Variants in TLL1 observed in about 807,000 individuals in gnomAD.
TLL1 encodes tolloid-like protein 1.
Under a neutral mutation model 128.2 loss-of-function variants are expected in TLL1, and 49 were observed. The observed-to-expected ratio is 0.38, with a 90% CI of 0.30 to 0.48. The LOEUF (loss-of-function observed/expected upper bound fraction) is 0.48, where lower values mean the gene tolerates loss of function less well. TLL1 is among the 20% of genes least tolerant of loss of function. TLL1 has a pLI of 0.96. For synonymous variants in TLL1, 454 were observed against 418.8 expected (o/e 1.08, Z -1.03); for missense variants, 1,123 against 1,242.0 (o/e 0.90, Z 1.44).
At chr4:165,949,866 A>C (rs1378957070) in intron 1 of TLL1, among the ~76,000 whole-genome samples, 2 of 152,138 alleles carry the variant, frequency 1.3e-5, no homozygotes, top group Non-Finnish European at 2.9e-5. Flanking sequence ...TTATATCAAC[A>C]ACAAAACGTA....
rs774419350 is a variant in TLL1 at position 166,043,274 on chromosome 4, C to T, written c.1379C>T (p.Ala460Val). The T allele has an allele frequency of 6.2e-7, 1 of 1,613,930 alleles. No individual in the cohort carries two copies. Among genetic ancestry groups the T allele is most frequent in the South Asian group, 1.1e-5 (1 of 91,082 alleles). ...VGKGFAAVYE[A>V]ICGGEIRKNE... ...TTGTTTATTTTTTGGCTTTCTTCAG[C>T]GATCTGTGGAGGTGAGATACGTAAA... Residue 460 changes from alanine to valine, a missense_variant and splice_region_variant, in exon 12 of 21, where the codon GCG (alanine) becomes GTG (valine). Around this residue, in one of 3 missense-constraint regions of TLL1, gnomAD observed 634 missense variants for 672.4 expected, o/e 0.94. Transcript: ENST00000061240.
chr4:165,933,703 T>G (rs1733635568), intron 1 of TLL1, among the ~76,000 whole-genome samples: 1 of 152,116 alleles, frequency 6.6e-6, no homozygotes, highest in South Asian at 2.1e-4. Context: ...ATAGCAGCCC[T>G]GTCTTTTTAT....
At chr4:165,896,249 A>C (rs1382277387) in intron 1 of TLL1, among the ~76,000 whole-genome samples, 3 of 152,248 alleles carry the variant, frequency 2.0e-5, no homozygotes, top group East Asian at 3.9e-4. Flanking sequence ...ATGTCCCTGC[A>C]AAGCACATGA....
chr4:166,043,147 G>A (rs948305020), intron 11 of TLL1, 127 bp from the exon 12 acceptor site: 25 of 1,297,266 alleles, frequency 1.9e-5, no homozygotes, highest in Non-Finnish European at 2.8e-5. Context: ...AGTCAACTTT[G>A]ATTTTTATAG....
At chr4:165,952,235 A>G (rs1561050502) in intron 1 of TLL1, among the ~76,000 whole-genome samples, 1 of 152,184 alleles carries the variant, frequency 6.6e-6, no homozygotes, top group East Asian at 1.9e-4. Context: ...GGATCATACT[A>G]AATTTCTGCA....
chr4:165,993,008 A>G (rs747006247), intron 3 of TLL1, 124 bp downstream of exon 3: 53 of 829,006 alleles, frequency 6.4e-5, no homozygotes, highest in Non-Finnish European at 1.0e-4. Context: ...GATATATTCT[A>G]AAACTTTTTA....
At chr4:165,994,347 TC>T in intron 3 of TLL1, 33 bp from the exon 4 acceptor site, 1 of 1,613,756 alleles carries the variant, frequency 6.2e-7, no homozygotes, top group Non-Finnish European at 8.5e-7. Context: ...ACCAAGAACT[TC>T]TGTTTCACAG....
chr4:166,071,871 C>G (rs1740815407), intron 16 of TLL1, among the ~76,000 whole-genome samples: 1 of 151,924 alleles, frequency 6.6e-6, no homozygotes, highest in African/African-American at 2.4e-5. Flanking sequence ...AGTCTATTAA[C>G]TCCCGTTCAA....
chr4:166,004,929 G>A (rs1378525114), intron 6 of TLL1, among the ~76,000 whole-genome samples: 3 of 150,742 alleles, frequency 2.0e-5, no homozygotes, highest in South Asian at 4.2e-4. Flanking sequence ...GACTTATAGC[G>A]ATCGTTAACT....
In TLL1 at chr4:165,894,777, G is replaced by A. The variant is rs150064690; in HGVS notation, c.169+20704G>A. ...TGGGTGACTATTATCAGGTTGAGGA[G>A]GTTCCTTTCTGTTACTACCTTTCTG... is the stretch of plus-strand genomic sequence containing the variant. On this transcript the variant is annotated intron_variant, in intron 1 of 20. Coordinates refer to ENST00000061240, the MANE Select transcript of TLL1 (RefSeq NM_012464.5). 9.2e-5 allele frequency among the ~76,000 whole-genome samples: 14 copies of A among 151,756 alleles called. No individual in the cohort carries two copies. The East Asian group carries it at 2.7e-3, about 29-fold the overall frequency.
intron 9 of TLL1, among the ~76,000 whole-genome samples, chr4:166,037,836 C>T (rs75256114): frequency 0.015 from 2,289 of 151,762 alleles, 28 homozygotes; most frequent in Non-Finnish European, 0.023. Flanking sequence ...ACTTATTCCA[C>T]AACTTAATGT....
intron 12 of TLL1, among the ~76,000 whole-genome samples, chr4:166,044,095 C>T (rs777094757): frequency 1.3e-5 from 2 of 151,976 alleles, no homozygotes; most frequent in Non-Finnish European, 2.9e-5. Context: ...CTCAGGAACT[C>T]CAGAGTATGT....
chr4:166,068,219 G>A (rs909499240), intron 16 of TLL1, among the ~76,000 whole-genome samples: 9 of 151,634 alleles, frequency 5.9e-5, no homozygotes, highest in Non-Finnish European at 5.9e-5. Flanking sequence ...CCCAGGAAAA[G>A]GGAAGGTTAA....
intron 1 of TLL1, among the ~76,000 whole-genome samples, chr4:165,971,572 A>G (rs774651625): frequency 2.6e-5 from 4 of 152,190 alleles, no homozygotes; most frequent in Non-Finnish European, 4.4e-5. Context: ...GGCTTCTGGT[A>G]GAAAACTGCT....
intron 1 of TLL1, among the ~76,000 whole-genome samples, chr4:165,897,795 A>G (rs1036520180): frequency 1.3e-5 from 2 of 150,386 alleles, no homozygotes; most frequent in Non-Finnish European, 2.9e-5. Context: ...TGGGGATAGC[A>G]TTGAGTCTAT....
At position 166,103,615 on chromosome 4, in the gene TLL1, A is replaced by G. The variant is rs1237616068; in HGVS notation, c.*2739A>G. 6.6e-6 allele frequency: 1 copy of G among 151,854 alleles called. No individual in the cohort carries two copies. Among genetic ancestry groups the G allele is most frequent in the Non-Finnish European group, 1.5e-5 (1 of 67,858 alleles). 9.4% of individuals were successfully genotyped at this position (151,854 alleles called of 1,614,324 possible). On this transcript the variant is annotated 3_prime_UTR_variant, in exon 21 of 21. Coordinates refer to ENST00000061240, the MANE Select transcript of TLL1 (RefSeq NM_012464.5). ...CAACGTGAAAATTAATTTTTATTGT[A>G]TCATGTCAAGTATCAGTTTACCACA...
intron 1 of TLL1, among the ~76,000 whole-genome samples, chr4:165,894,301 TAGA>T (rs1302992392): frequency 1.3e-5 from 2 of 152,048 alleles, no homozygotes; most frequent in African/African-American, 2.4e-5. Context: ...GAGAAAATAT[TAGA>T]AGAAGCCAGA....
intron 12 of TLL1, among the ~76,000 whole-genome samples, chr4:166,053,713 G>A (rs1032085522): frequency 2.6e-5 from 4 of 152,108 alleles, no homozygotes; most frequent in African/African-American, 7.2e-5. Context: ...GACATTCCCC[G>A]ATATTCCTTG....
At chr4:166,098,853 G>A (rs1364398005) in intron 19 of TLL1, among the ~76,000 whole-genome samples, 4 of 152,148 alleles carry the variant, frequency 2.6e-5, no homozygotes, top group Non-Finnish European at 4.4e-5. Flanking sequence ...TCTTCTTTAT[G>A]AAAATAGTTA....
Sources: gnomAD v4.1 joint callset for allele counts (sites outside exome capture counted in the v4.1 genomes callset) on GRCh38, gnomAD v4.1.1 for gene constraint, gnomAD v4.1.1 regional missense constraint, MANE v1.5 for transcripts, NCBI Gene and HGNC (gene_info 2026-07-23, HGNC 2026-07-21) for gene names.